Variants in CAMK4 observed in about 807,000 individuals in gnomAD.
The protein encoded by CAMK4 is calcium/calmodulin dependent protein kinase IV, also known as calcium/calmodulin-dependent protein kinase type IV.
In CAMK4, 22 loss-of-function variants were observed where a neutral mutation model predicts 44.9. That is an observed-to-expected ratio of 0.49 (90% CI 0.35 to 0.70). The LOEUF (loss-of-function observed/expected upper bound fraction) is 0.70, where lower values mean the gene tolerates loss of function less well. Among genes scored for constraint, CAMK4 ranks in the 30% least tolerant of loss-of-function variants. The pLI is 0.01. For missense variants in CAMK4, 498 were observed against 586.8 expected (o/e 0.85, Z 1.56); for synonymous variants, 218 against 215.4 (o/e 1.01, Z -0.11).
In CAMK4 at chr5:111,490,773, G is replaced by A. The variant is rs762544457; in HGVS notation, c.*6307G>A. ...CTTTTTACGGCACCCTTAAGTCTCA[G>A]TAATATTTTAAAAGTCCTCTATAAG... On this transcript the variant is annotated 3_prime_UTR_variant, in exon 11 of 11. Transcript: ENST00000282356. 6.6e-6 allele frequency: 1 copy of A among 152,086 alleles called. No homozygotes were observed. The highest frequency in any genetic ancestry group is 1.5e-5 in the Non-Finnish European group (1 of 68,004). The allele number at this position is 152,086 out of a possible 1,614,324, so 9.4% of individuals were successfully genotyped here.
intron 2 of CAMK4, among the ~76,000 whole-genome samples, chr5:111,353,154 T>C (rs1419147937): frequency 6.6e-6 from 1 of 152,040 alleles, no homozygotes; most frequent in Admixed American, 6.6e-5. Flanking sequence ...CTACAATATA[T>C]TGAGCAATCA....
chr5:111,399,797 T>C (rs1249705143), intron 5 of CAMK4, among the ~76,000 whole-genome samples: 1 of 152,236 alleles, frequency 6.6e-6, no homozygotes, highest in Non-Finnish European at 1.5e-5. Context: ...TTCCTCGGTA[T>C]GTTCTTTCTT....
intron 1 of CAMK4, among the ~76,000 whole-genome samples, chr5:111,246,892 A>C (rs1018378582): frequency 6.6e-6 from 1 of 152,164 alleles, no homozygotes; most frequent in Admixed American, 6.6e-5. Context: ...GCAGCAACCA[A>C]TAATGTTTAC....
At position 111,355,631 on chromosome 5, in the gene CAMK4, T is replaced by G. The variant is rs1192649396; in HGVS notation, c.240+11529T>G. On this transcript the variant is annotated intron_variant, in intron 2 of 10. Coordinates refer to ENST00000282356, the MANE Select transcript of CAMK4 (RefSeq NM_001744.6). ...CTCGTCATTTAGCATTAGGTATATC[T>G]CCTAATGCTATCCCTCCCCCCTCCC... Among the ~76,000 whole-genome samples, 10 of 135,184 alleles carry G rather than the reference T, an allele frequency of 7.4e-5. No homozygotes were observed. In the East Asian group the frequency reaches 1.9e-3, roughly 25 times the overall value. 88.7% of individuals were successfully genotyped at this position (135,184 alleles called of 152,430 possible). A position where few individuals can be genotyped will look rare whatever the true frequency, so the allele number is the denominator to read the frequency against.
chr5:111,224,366 G>T, upstream of CAMK4: 1 of 1,332,160 alleles, frequency 7.5e-7, no homozygotes, highest in Non-Finnish European at 9.6e-7. This position sits in a 1 kb window ranked among gnomAD's most constrained non-coding sequence, Gnocchi z 5.7. Flanking sequence ...GCGTGTGCGC[G>T]CGTGAAGGAC....
chr5:111,259,599 A>G (rs1749893370), intron 1 of CAMK4, among the ~76,000 whole-genome samples: 1 of 152,174 alleles, frequency 6.6e-6, no homozygotes, highest in African/African-American at 2.4e-5. Flanking sequence ...CCAGGCAATA[A>G]CGGTGACCCC....
rs548539601 is a variant in CAMK4 at position 111,343,944 on chromosome 5, A to C, written c.162-80A>C. ...CTTGTCAGTTATGTGGGTTATTGCA[A>C]GATACACTTATTTTCAAGCTTTCCC... On this transcript the variant is annotated intron_variant, in intron 1 of 10. Coordinates refer to ENST00000282356, the MANE Select transcript of CAMK4 (RefSeq NM_001744.6). 8.7e-6 allele frequency: 7 copies of C among 801,920 alleles called. No homozygotes were observed. The South Asian group carries it at 1.1e-4, about 12-fold the overall frequency. The allele number at this position is 801,920 out of a possible 1,614,324, so 49.7% of individuals were successfully genotyped here.
At chr5:111,419,260 C>G (rs1308568918) in intron 5 of CAMK4, among the ~76,000 whole-genome samples, 1 of 152,192 alleles carries the variant, frequency 6.6e-6, no homozygotes, top group Non-Finnish European at 1.5e-5. Flanking sequence ...AGTGTCTGTT[C>G]AAATCCTTCG....
At chr5:111,367,098 CAATTT>C (rs1750820822) in intron 2 of CAMK4, among the ~76,000 whole-genome samples, 1 of 150,738 alleles carries the variant, frequency 6.6e-6, no homozygotes, top group Non-Finnish European at 1.5e-5. Flanking sequence ...CCACTGCTGT[CAATTT>C]AGTTTACCTG....
intron 7 of CAMK4, among the ~76,000 whole-genome samples, chr5:111,468,574 A>T (rs73789610): frequency 0.011 from 1,714 of 152,300 alleles, 30 homozygotes; most frequent in African/African-American, 0.039. Flanking sequence ...CTGGGGTGCT[A>T]GAGCCTGAAC....
intron 7 of CAMK4, among the ~76,000 whole-genome samples, chr5:111,466,542 G>A (rs774762765): frequency 2.6e-5 from 4 of 151,988 alleles, no homozygotes; most frequent in African/African-American, 7.2e-5. Flanking sequence ...GTAGCTCTGC[G>A]ATACACCAAC....
At chr5:111,311,272 TGG>T (rs1333558227) in intron 1 of CAMK4, among the ~76,000 whole-genome samples, 6 of 152,234 alleles carry the variant, frequency 3.9e-5, no homozygotes, top group Non-Finnish European at 8.8e-5. Context: ...AACTGGCAGA[TGG>T]AGGGGCTGCC....
At chr5:111,467,706 AT>A (rs1754892378) in intron 7 of CAMK4, among the ~76,000 whole-genome samples, 2 of 152,160 alleles carry the variant, frequency 1.3e-5, no homozygotes, top group African/African-American at 4.8e-5. Flanking sequence ...AAAATAATAC[AT>A]GTTGGTGTGG....
chr5:111,250,740 C>T (rs7726469), intron 1 of CAMK4, among the ~76,000 whole-genome samples: 33,093 of 152,106 alleles, frequency 0.22, 4,095 homozygotes, highest in African/African-American at 0.34. Flanking sequence ...TTTCTGACAT[C>T]CATTTATCCT....
At chr5:111,276,973 C>T (rs1448642639) in intron 1 of CAMK4, among the ~76,000 whole-genome samples, 3 of 152,096 alleles carry the variant, frequency 2.0e-5, no homozygotes, top group Non-Finnish European at 4.4e-5. Context: ...ATTGCTGTTC[C>T]TTTGCCACAG....
chr5:111,421,349 C>A (rs1176871298), intron 5 of CAMK4, among the ~76,000 whole-genome samples: 1 of 152,136 alleles, frequency 6.6e-6, no homozygotes, highest in Non-Finnish European at 1.5e-5. Context: ...AGGGATGCCC[C>A]CAAAAGTTTT....
Position 111,343,135 on chromosome 5 carries a change from A to G in CAMK4, c.162-889A>G, listed in dbSNP as rs1193608937. 1.3e-5 allele frequency among the ~76,000 whole-genome samples: 2 copies of G among 151,624 alleles called. 1 individual carries two copies. Among genetic ancestry groups the G allele is most frequent in the African/African-American group, 4.8e-5 (2 of 41,346 alleles). On this transcript the variant is annotated intron_variant, in intron 1 of 10. Transcript: ENST00000282356. Reference sequence around the variant, plus strand: ...CATGTTAATATTTTTAACTATTTGCATTTACAACACACCAGTCTTTGACTT... The same window carrying G: ...CATGTTAATATTTTTAACTATTTGCGTTTACAACACACCAGTCTTTGACTT...
intron 5 of CAMK4, among the ~76,000 whole-genome samples, chr5:111,443,962 A>G (rs1753940909): frequency 6.6e-6 from 1 of 152,176 alleles, no homozygotes; most frequent in Non-Finnish European, 1.5e-5. Context: ...TCTTGGGGAC[A>G]CCGCATGTTT....
At chr5:111,432,662 G>GTATA (rs58147378) in intron 5 of CAMK4, among the ~76,000 whole-genome samples, 2,320 of 142,914 alleles carry the variant, frequency 0.016, 41 homozygotes, top group African/African-American at 0.041. Context: ...ATATGTGTGT[G>GTATA]TATATATATA....
Sources: allele counts gnomAD v4.1 joint callset (sites outside exome capture counted in the v4.1 genomes callset), GRCh38; gene constraint gnomAD v4.1.1; non-coding constraint Gnocchi (gnomAD v3.1); transcripts MANE v1.5; gene names NCBI Gene and HGNC (gene_info 2026-07-23, HGNC 2026-07-21).